ASF1A: variants seen among roughly 807,000 people sequenced by gnomAD.
ASF1A encodes histone chaperone ASF1A.
ASF1A carries 5 observed loss-of-function variants against 22.0 expected under a neutral mutation model. The observed-to-expected ratio is 0.23, with a 90% CI of 0.12 to 0.48. ASF1A has a LOEUF of 0.48. Among genes scored for constraint, ASF1A ranks in the 20% least tolerant of loss-of-function variants. The pLI, the probability that ASF1A is intolerant of heterozygous loss-of-function variation, is 0.99. For synonymous variants in ASF1A, 97 were observed against 86.7 expected, an observed-to-expected ratio of 1.12 and a Z score of -0.66; for missense variants, 137 against 240.6, an observed-to-expected ratio of 0.57 and a Z score of 2.85.
rs62424035 is a variant in ASF1A, at chr6:118,898,728, A to G, written c.110-2038A>G. 5.7e-3 allele frequency among the ~76,000 whole-genome samples: 872 copies of G among 152,292 alleles called. 6 individuals carry two copies. The highest frequency in any genetic ancestry group is 1.0e-2 in the Non-Finnish European group (677 of 68,024). ...CCACTGCGCCCAGCCACTCTATGTG[A>G]TAATTCTTAGTCTTATCCTCACTTG... is the stretch of plus-strand genomic sequence containing the variant. On this transcript the variant is annotated intron_variant, in intron 1 of 3. Coordinates refer to ENST00000229595, the MANE Select transcript of ASF1A (RefSeq NM_014034.3).
At chr6:118,900,954 C>T in intron 2 of ASF1A, 73 bp downstream of exon 2, 2 of 1,040,450 alleles carry the variant, frequency 1.9e-6, no homozygotes, top group Middle Eastern at 2.1e-4. Context: ...TATCTTATAA[C>T]CCTTATCCCT....
chr6:118,894,930 G>A (rs1485752520), intron 1 of ASF1A, among the ~76,000 whole-genome samples: 1 of 152,154 alleles, frequency 6.6e-6, no homozygotes, highest in Non-Finnish European at 1.5e-5. Flanking sequence ...GTGTGGTCGC[G>A]CCGGCGAGTT....
intron 2 of ASF1A, among the ~76,000 whole-genome samples, chr6:118,905,211 C>T (rs1780092395): frequency 6.6e-6 from 1 of 152,088 alleles, no homozygotes; most frequent in South Asian, 2.1e-4. Context: ...ATATAAGTAT[C>T]CTGGGTTGAA....
At chr6:118,896,041 GTT>G (rs200142006) in intron 1 of ASF1A, among the ~76,000 whole-genome samples, 4,207 of 138,506 alleles carry the variant, frequency 0.03, 197 homozygotes, top group African/African-American at 0.1. Flanking sequence ...ATGTGCCCCC[GTT>G]TTTTTTTTTT....
At chr6:118,900,439 A>G (rs1779731561) in intron 1 of ASF1A, among the ~76,000 whole-genome samples, 1 of 152,246 alleles carries the variant, frequency 6.6e-6, no homozygotes. Flanking sequence ...TTACTGAAGG[A>G]TATCTCAGAA....
At chr6:118,899,766 C>T (rs1479428701) in intron 1 of ASF1A, among the ~76,000 whole-genome samples, 1 of 152,166 alleles carries the variant, frequency 6.6e-6, no homozygotes, top group African/African-American at 2.4e-5. Flanking sequence ...CAAAAATGGC[C>T]ACACATGGTG....
chr6:118,897,582 C>A (rs745802289), intron 1 of ASF1A, among the ~76,000 whole-genome samples: 48 of 152,144 alleles, frequency 3.2e-4, no homozygotes, highest in Non-Finnish European at 5.6e-4. Flanking sequence ...GACCACAGGT[C>A]TTCCCAAGTA....
rs747582832 is a variant in ASF1A, at chr6:118,894,538, G to A, written c.109+16G>A. 1.3e-6 allele frequency: 2 copies of A among 1,528,936 alleles called. No individual in the cohort carries two copies. Among genetic ancestry groups the A allele is most frequent in the East Asian group, 2.4e-5 (1 of 40,820 alleles). The allele number at this position is 1,528,936 out of a possible 1,614,324, so 94.7% of individuals were successfully genotyped here. A position where few individuals can be genotyped will look rare whatever the true frequency, so the allele number is the denominator to read the frequency against. ...CTGTCTGAAGGTGAGTGCGGCGCCCGTGCGCCCGGGCTGTCAGTTGCGGGC... is the reference window on the plus strand; with the variant it reads ...CTGTCTGAAGGTGAGTGCGGCGCCCATGCGCCCGGGCTGTCAGTTGCGGGC... On this transcript the variant is annotated intron_variant, in intron 1 of 3. Coordinates refer to ENST00000229595, the MANE Select transcript of ASF1A (RefSeq NM_014034.3).
chr6:118,894,530 C>A lies in ASF1A; in HGVS notation c.109+8C>A, dbSNP rs1460287781. On this transcript the variant is annotated splice_region_variant and intron_variant, in intron 1 of 3. Transcript: ENST00000229595. ...TCGAGGACCTGTCTGAAGGTGAGTGCGGCGCCCGTGCGCCCGGGCTGTCAG... is the reference window on the plus strand; with the variant it reads ...TCGAGGACCTGTCTGAAGGTGAGTGAGGCGCCCGTGCGCCCGGGCTGTCAG... 1 of 1,534,072 alleles carries A rather than the reference C, an allele frequency of 6.5e-7. No individual in the cohort carries two copies. The highest frequency in any genetic ancestry group is 8.7e-7 in the Non-Finnish European group (1 of 1,144,126).
chr6:118,902,776 G>T (rs1407090877), intron 2 of ASF1A, among the ~76,000 whole-genome samples: 3 of 152,132 alleles, frequency 2.0e-5, no homozygotes, highest in Admixed American at 6.5e-5. Context: ...CAGCCTAAAG[G>T]TTTTACAGAA....
chr6:118,903,829 C>T (rs1779981152), intron 2 of ASF1A, among the ~76,000 whole-genome samples: 1 of 152,120 alleles, frequency 6.6e-6, no homozygotes, highest in Non-Finnish European at 1.5e-5. Context: ...TCAAGTGATC[C>T]ACCCACCTTA....
At chr6:118,901,513 G>C (rs1021463371) in intron 2 of ASF1A, among the ~76,000 whole-genome samples, 1 of 152,152 alleles carries the variant, frequency 6.6e-6, no homozygotes, top group Admixed American at 6.5e-5. Flanking sequence ...TTTGTGAAGA[G>C]AATTTCTAGT....
At chr6:118,905,307 G>T (rs1215826427) in intron 2 of ASF1A, among the ~76,000 whole-genome samples, 5 of 152,294 alleles carry the variant, frequency 3.3e-5, no homozygotes, top group Non-Finnish European at 7.3e-5. Context: ...TGAAAATTAT[G>T]ACTGAAAAGG....
intron 3 of ASF1A, among the ~76,000 whole-genome samples, chr6:118,907,146 AATAG>A (rs1780238544): frequency 6.6e-6 from 1 of 152,184 alleles, no homozygotes; most frequent in Non-Finnish European, 1.5e-5. Context: ...ATAGGAGTTA[AATAG>A]TTAAAAAGCC....
intron 2 of ASF1A, 29 bp downstream of exon 2, chr6:118,900,910 C>T: frequency 6.9e-7 from 1 of 1,440,360 alleles, no homozygotes; most frequent in Non-Finnish European, 9.8e-7. Context: ...AATGTGTATG[C>T]CAAATATGTT....
intron 2 of ASF1A, among the ~76,000 whole-genome samples, chr6:118,901,600 CAA>C (rs577085697): frequency 3.4e-4 from 51 of 152,236 alleles, no homozygotes; most frequent in African/African-American, 1.2e-3. Flanking sequence ...CTTCTATATT[CAA>C]AAGTGTTATT....
At chr6:118,905,949 A>T (rs937408395) in intron 3 of ASF1A, 121 bp downstream of exon 3, 8 of 685,432 alleles carry the variant, frequency 1.2e-5, no homozygotes, top group Non-Finnish European at 1.8e-5. Flanking sequence ...TGAGGTCCTT[A>T]TGCCAACTGG....
chr6:118,907,507 C>T lies in ASF1A; in HGVS notation c.508C>T (p.Leu170=), dbSNP rs557053322. Reference sequence around the variant, plus strand: ...AGATGCAGAGAGCAGTAATCCAAATCTACAGTCACTTCTTTCAACAGATGC... The same window carrying T: ...AGATGCAGAGAGCAGTAATCCAAATTTACAGTCACTTCTTTCAACAGATGC... ...LEDAESSNPN[L]QSLLSTDALP... is the part of the protein sequence containing the mutation. The change falls in exon 4 of 4, where the codon CTA becomes TTA. Residue 170 remains leucine, a synonymous_variant. Coordinates refer to ENST00000229595, the MANE Select transcript of ASF1A (RefSeq NM_014034.3). 6.2e-7 allele frequency: 1 copy of T among 1,613,534 alleles called. No homozygotes were observed. Among genetic ancestry groups the T allele is most frequent in the South Asian group, 1.1e-5 (1 of 91,064 alleles).
chr6:118,905,587 C>T (rs929882047), intron 2 of ASF1A, 65 bp from the exon 3 acceptor site: 3 of 1,350,566 alleles, frequency 2.2e-6, no homozygotes, highest in African/African-American at 2.9e-5. Flanking sequence ...ACTGAAACTC[C>T]AGTCTTGCCT....
Sources: allele counts gnomAD v4.1 joint callset (sites outside exome capture counted in the v4.1 genomes callset), GRCh38; gene constraint gnomAD v4.1.1; transcripts MANE v1.5; gene names NCBI Gene and HGNC (gene_info 2026-07-23, HGNC 2026-07-21).